Variants in NFYC observed in about 807,000 individuals in gnomAD.
NFYC encodes nuclear transcription factor Y subunit gamma, also known as CAAT box DNA-binding protein subunit C.
A neutral mutation model predicts 53.1 loss-of-function variants in NFYC; 25 were observed. The ratio of observed to expected loss-of-function variants is 0.47; its 90% confidence interval spans 0.34 to 0.66. NFYC has a LOEUF of 0.66. Ranked by LOEUF, NFYC falls within the 30% of genes least tolerant of loss-of-function variation. The probability of loss-of-function intolerance (pLI) is 0.01; values close to 1 mark genes in which losing one functional copy is unlikely to be tolerated. For synonymous variants in NFYC, 145 were observed against 152.6 expected (o/e 0.95, Z 0.37); for missense variants, 260 against 422.7 (o/e 0.62, Z 3.38).
In NFYC at chr1:40,771,370, A is replaced by G. The variant is rs1441812041; in HGVS notation, c.*542A>G. ...TTGCTCTGACCCCAGAGCTCTGTGT[A>G]TTTGCATCCAGAGGCCATGGAAACA... On this transcript the variant is annotated 3_prime_UTR_variant, in exon 10 of 10. Coordinates refer to ENST00000447388, the MANE Select transcript of NFYC (RefSeq NM_014223.5). 1 of 466,624 alleles carries G rather than the reference A, an allele frequency of 2.1e-6. No homozygotes were observed. The highest frequency in any genetic ancestry group is 2.4e-5 in the Admixed American group (1 of 41,874). The allele number at this position is 466,624 out of a possible 1,614,324, so 28.9% of individuals were successfully genotyped here.
Position 40,770,724 on chromosome 1 carries a change from C to T in NFYC, c.904C>T (p.Gln302Ter), listed in dbSNP as rs1647049208. 6.2e-7 allele frequency: 1 copy of T among 1,614,172 alleles called. No individual in the cohort carries two copies. Among genetic ancestry groups the T allele is most frequent in the Non-Finnish European group, 8.5e-7 (1 of 1,180,050 alleles). ...FTDGQQLYQIQQVTMPAGQDL... is the reference protein window; with the variant it reads ...FTDGQQLYQI The stretch of plus-strand genomic sequence containing the variant: ...CCCCTCGCAGCAGCTCTACCAGATC[C>T]AGCAAGTCACCATGCCTGCGGGCCA... Residue 302 changes from glutamine (Q) to a stop codon, truncating the protein, a stop_gained, in exon 10 of 10, where the codon CAG becomes TAG. Coordinates refer to ENST00000447388, the MANE Select transcript of NFYC (RefSeq NM_014223.5). LOFTEE classifies it high-confidence loss of function. The surrounding 1 kb of genome is among the most constrained non-coding windows in gnomAD (Gnocchi z 5.3).
At chr1:40,745,585 T>A (rs1645569316) in intron 2 of NFYC, among the ~76,000 whole-genome samples, 1 of 152,214 alleles carries the variant, frequency 6.6e-6, no homozygotes, top group Non-Finnish European at 1.5e-5. Context: ...TTTGTCTCTC[T>A]CTCTGTCTTT....
intron 5 of NFYC, chr1:40,757,226 A>C (rs1646274801): frequency 2.5e-6 from 1 of 406,890 alleles, no homozygotes; most frequent in Non-Finnish European, 5.5e-6. Context: ...ACTCCGGATC[A>C]GACGCCGTTC....
intron 8 of NFYC, chr1:40,767,176 T>G: frequency 1.8e-6 from 1 of 561,472 alleles, no homozygotes; most frequent in Non-Finnish European, 3.2e-6. Context: ...CCTACAATAT[T>G]GATGGCTATG....
intron 2 of NFYC, among the ~76,000 whole-genome samples, chr1:40,740,087 T>A (rs1464783530): frequency 6.6e-6 from 1 of 152,204 alleles, no homozygotes; most frequent in African/African-American, 2.4e-5. Flanking sequence ...TAATGAAGAA[T>A]GTTCATTAAG....
chr1:40,749,745 C>A, intron 4 of NFYC, 59 bp downstream of exon 4: 1 of 1,359,248 alleles, frequency 7.4e-7, no homozygotes, highest in African/African-American at 1.4e-5. Context: ...TGCCTGTTTT[C>A]CTGCGTGGTG....
At chr1:40,702,298 G>T (rs994082797) in intron 1 of NFYC, among the ~76,000 whole-genome samples, 1 of 149,966 alleles carries the variant, frequency 6.7e-6, no homozygotes, top group African/African-American at 2.5e-5. Flanking sequence ...CGTGGTCATT[G>T]CTCAGAATGT....
rs1570365193 is a variant in NFYC, at chr1:40,711,522, G to C, written c.-9+19655G>C. Among the ~76,000 whole-genome samples, 3 of 152,258 alleles carry C rather than the reference G, an allele frequency of 2.0e-5. No homozygotes were observed. In the South Asian group the frequency reaches 6.2e-4, roughly 32 times the overall value. On this transcript the variant is annotated intron_variant, in intron 1 of 9. Transcript: ENST00000447388. Reference sequence around the variant, plus strand: ...TAAACTATAAACTTGAGAACTTTGTGGATTTGGCTTCTTGGAAAGATGCCC... The same window carrying C: ...TAAACTATAAACTTGAGAACTTTGTCGATTTGGCTTCTTGGAAAGATGCCC...
intron 2 of NFYC, among the ~76,000 whole-genome samples, chr1:40,740,362 G>T (rs980520785): frequency 6.6e-6 from 1 of 152,168 alleles, no homozygotes; most frequent in Admixed American, 6.5e-5. Flanking sequence ...GGATCATTGC[G>T]CTCATGGAAC....
intron 7 of NFYC, among the ~76,000 whole-genome samples, chr1:40,764,311 T>C (rs1162264321): frequency 6.6e-6 from 1 of 152,216 alleles, no homozygotes; most frequent in Admixed American, 6.5e-5. Flanking sequence ...GAGATCAGTT[T>C]AGGAATTGTT....
At chr1:40,735,552 G>T (rs1348603365) in intron 1 of NFYC, 2 of 972,486 alleles carry the variant, frequency 2.1e-6, no homozygotes, top group African/African-American at 1.8e-5. Flanking sequence ...GTTTTGGGGG[G>T]ATATCAGAGG....
At chr1:40,702,824 T>C (rs756514989) in intron 1 of NFYC, among the ~76,000 whole-genome samples, 5 of 152,014 alleles carry the variant, frequency 3.3e-5, no homozygotes, top group Non-Finnish European at 5.9e-5. Context: ...GATTTGCTTA[T>C]AATGTTTTTT....
intron 2 of NFYC, among the ~76,000 whole-genome samples, chr1:40,744,471 G>C (rs1645508724): frequency 6.6e-6 from 1 of 152,178 alleles, no homozygotes; most frequent in Non-Finnish European, 1.5e-5. Flanking sequence ...CCTGGAAAAG[G>C]TTTCTCTTTA....
chr1:40,697,588 C>A, intron 1 of NFYC, among the ~76,000 whole-genome samples: 1 of 152,316 alleles, frequency 6.6e-6, no homozygotes, highest in South Asian at 2.1e-4. Context: ...AAATTCGGAA[C>A]AACTGGTGTT....
At chr1:40,762,046 G>T (rs1156343038) in intron 6 of NFYC, among the ~76,000 whole-genome samples, 2 of 150,674 alleles carry the variant, frequency 1.3e-5, no homozygotes, top group African/African-American at 4.9e-5. Flanking sequence ...TGACCCTTTT[G>T]GCAGCTTGTG....
chr1:40,705,450 T>C (rs879631112), intron 1 of NFYC, among the ~76,000 whole-genome samples: 2 of 152,226 alleles, frequency 1.3e-5, no homozygotes, highest in African/African-American at 2.4e-5. Flanking sequence ...ATCTAAACTT[T>C]TGAGAAAAGA....
intron 1 of NFYC, among the ~76,000 whole-genome samples, chr1:40,724,949 G>A (rs1047009089): frequency 6.6e-6 from 1 of 152,180 alleles, no homozygotes; most frequent in Admixed American, 6.6e-5. Context: ...TTTGAAAAGC[G>A]GCTTCCTCTT....
At chr1:40,722,817 A>G (rs1201286270) in intron 1 of NFYC, among the ~76,000 whole-genome samples, 1 of 152,200 alleles carries the variant, frequency 6.6e-6, no homozygotes, top group African/African-American at 2.4e-5. Context: ...CTCGTGCTTT[A>G]GTGCCCCCAA....
intron 1 of NFYC, among the ~76,000 whole-genome samples, chr1:40,705,518 T>C (rs1643654353): frequency 1.3e-5 from 2 of 152,258 alleles, no homozygotes; most frequent in East Asian, 3.8e-4. Flanking sequence ...TTGGATGCCA[T>C]TGTGAAATTG....
Sources: allele counts gnomAD v4.1 joint callset (sites outside exome capture counted in the v4.1 genomes callset), GRCh38; gene constraint gnomAD v4.1.1; non-coding constraint Gnocchi (gnomAD v3.1); transcripts MANE v1.5; gene names NCBI Gene and HGNC (gene_info 2026-07-23, HGNC 2026-07-21).